Variants in EIF4A2 observed in about 807,000 individuals in gnomAD.
The protein encoded by EIF4A2 is eukaryotic translation initiation factor 4A2.
EIF4A2 carries 9 observed loss-of-function variants against 50.6 expected under a neutral mutation model. That is an observed-to-expected ratio of 0.18 (90% CI 0.11 to 0.31). EIF4A2 has a LOEUF of 0.31. EIF4A2 is among the 10% of genes least tolerant of loss of function. EIF4A2 has a pLI of 1.00. For missense variants in EIF4A2, 182 were observed against 501.8 expected, an observed-to-expected ratio of 0.36 and a Z score of 6.09; for synonymous variants, 215 against 164.4, an observed-to-expected ratio of 1.31 and a Z score of -2.35.
intron 10 of EIF4A2, chr3:186,788,592 AT>A: frequency 2.7e-6 from 1 of 376,178 alleles, no homozygotes; most frequent in Non-Finnish European, 4.3e-6. Flanking sequence ...GTTTAGAGTA[AT>A]TTGAGTTACA....
chr3:186,789,891 C>CTTTAAAGGT (rs1722015255), exon 11 of EIF4A2: 31 of 914,994 alleles, frequency 3.4e-5, no homozygotes, highest in East Asian at 8.0e-4. Flanking sequence ...TGTATATTCA[C>CTTTAAAGGT]TTTAAAGGTG....
chr3:186,787,943 G>A (rs1238093418), intron 10 of EIF4A2, 61 bp downstream of exon 10: 2 of 1,528,434 alleles, frequency 1.3e-6, no homozygotes, highest in Admixed American at 1.7e-5. Context: ...ACTGTGATTT[G>A]TATGAAAGGT....
rs368746725 is a variant in EIF4A2, at chr3:186,787,908, T to C, written c.1079+26T>C. On this transcript the variant is annotated intron_variant, in intron 10 of 10. Coordinates refer to ENST00000323963, the MANE Select transcript of EIF4A2 (RefSeq NM_001967.4). ...GTGAGAAGCCAGCATCTTGGCTGTA[T>C]TGAAAAAAATTCATACGTTTTTCTA... The C allele has an allele frequency of 1.2e-5, 19 of 1,609,318 alleles. No individual in the cohort carries two copies. The African/African-American group carries it at 1.9e-4, about 16-fold the overall frequency.
At chr3:186,785,702 A>C (rs1406963012) in intron 4 of EIF4A2, 181 bp from the exon 5 acceptor site, 1 of 678,050 alleles carries the variant, frequency 1.5e-6, no homozygotes, top group Admixed American at 3.1e-5. Context: ...GGCATAAGAA[A>C]GACATTAAGG....
At chr3:186,786,326 C>T in intron 6 of EIF4A2, 53 bp downstream of exon 6, 2 of 1,557,432 alleles carry the variant, frequency 1.3e-6, no homozygotes, top group Non-Finnish European at 8.8e-7. Flanking sequence ...TTATTTAATG[C>T]AGGTACTGTT....
intron 1 of EIF4A2, chr3:186,784,145 G>C (rs1428254271): frequency 1.9e-6 from 1 of 530,254 alleles, no homozygotes; most frequent in Non-Finnish European, 3.4e-6. Context: ...TCAATCACCC[G>C]GCTTGCGCAT....
chr3:186,785,860 A>G (rs1721675294), intron 4 of EIF4A2, 23 bp from the exon 5 acceptor site: 2 of 1,579,780 alleles, frequency 1.3e-6, no homozygotes, highest in South Asian at 2.2e-5. Flanking sequence ...TCTGCGGAAT[A>G]ATAATTAAGG....
rs1053129317 is a variant in EIF4A2 at position 186,789,755 on chromosome 3, T to G, written c.*486T>G. Reference sequence around the variant, plus strand: ...TATTGTATTTATTCAATAAAGTATTTAATTAGTGCTAAGTGTGAACTGGAC... The same window carrying G: ...TATTGTATTTATTCAATAAAGTATTGAATTAGTGCTAAGTGTGAACTGGAC... On this transcript the variant is annotated 3_prime_UTR_variant, in exon 11 of 11. Coordinates refer to ENST00000323963, the MANE Select transcript of EIF4A2 (RefSeq NM_001967.4). The G allele has an allele frequency of 6.2e-6, 3 of 487,528 alleles. No homozygotes were observed. Among genetic ancestry groups the G allele is most frequent in the Non-Finnish European group, 1.1e-5 (3 of 275,688 alleles). The allele number at this position is 487,528 out of a possible 1,614,324, so 30.2% of individuals were successfully genotyped here.
In EIF4A2 at chr3:186,789,101, GTTCTGA is replaced by G; in HGVS notation, c.1080-19_1080-14del. The G allele has an allele frequency of 6.2e-7, 1 of 1,609,854 alleles. No individual in the cohort carries two copies. Among genetic ancestry groups the G allele is most frequent in the Admixed American group, 1.7e-5 (1 of 59,342 alleles). On this transcript the variant is annotated intron_variant, in intron 10 of 10. Coordinates refer to ENST00000323963, the MANE Select transcript of EIF4A2 (RefSeq NM_001967.4). ...GTTTATACATTATGTGAGAAGTAACGTTCTGATTCTTTTTCTTACACAGAATTGGCA... is the reference window on the plus strand; with the variant it reads ...GTTTATACATTATGTGAGAAGTAACGTTCTTTTTCTTACACAGAATTGGCA...
intron 9 of EIF4A2, 41 bp from the exon 10 acceptor site, chr3:186,787,762 T>TCAA: frequency 6.2e-7 from 1 of 1,613,464 alleles, no homozygotes; most frequent in Non-Finnish European, 8.5e-7. Context: ...AGGTGTCAAG[T>TCAA]TTTTTTGAAT....
rs1209531788 is a variant in EIF4A2, at chr3:186,789,803, C to T, written c.*534C>T. 6 of 584,432 alleles carry T rather than the reference C, an allele frequency of 1.0e-5. No homozygotes were observed. The highest frequency in any genetic ancestry group is 1.8e-5 in the Non-Finnish European group (6 of 332,848). 36.2% of individuals were successfully genotyped at this position (584,432 alleles called of 1,614,324 possible). A position where few individuals can be genotyped will look rare whatever the true frequency, so the allele number is the denominator to read the frequency against. The stretch of plus-strand genomic sequence containing the variant: ...GACCCTGTTGCTAAGCCCCAGCAAG[C>T]AATCCTAGGTAGGGTTTAATCCCCA... On this transcript the variant is annotated 3_prime_UTR_variant, in exon 11 of 11. Coordinates refer to ENST00000323963, the MANE Select transcript of EIF4A2 (RefSeq NM_001967.4).
chr3:186,783,640 G>A lies in EIF4A2; in HGVS notation c.29+1G>A. 1.2e-6 allele frequency: 2 copies of A among 1,614,172 alleles called. No homozygotes were observed. Among genetic ancestry groups the A allele is most frequent in the Non-Finnish European group, 1.7e-6 (2 of 1,180,030 alleles). On this transcript the variant is annotated splice_donor_variant, in intron 1 of 10. Coordinates refer to ENST00000323963, the MANE Select transcript of EIF4A2 (RefSeq NM_001967.4). LOFTEE classifies it high-confidence loss of function. ...CTGGTGGCTCCGCGGATTATAACAG[G>A]TATGCAGTCTGTTGGCGGTCGCGGT...
At chr3:186,784,830 C>A (rs769198532) in intron 3 of EIF4A2, 132 bp from the exon 4 acceptor site, 1 of 1,598,076 alleles carries the variant, frequency 6.3e-7, no homozygotes, top group African/African-American at 1.3e-5. Flanking sequence ...TCGGGACTGA[C>A]CTGAAATGAA....
At chr3:186,784,250 C>CG (rs1721558163) in intron 1 of EIF4A2, 182 bp from the exon 2 acceptor site, 8 of 846,142 alleles carry the variant, frequency 9.5e-6, no homozygotes, top group Admixed American at 2.9e-5. Flanking sequence ...GCTGCCTTTC[C>CG]GGGCATCCGC....
At chr3:186,788,966 T>C in intron 10 of EIF4A2, 159 bp from the exon 11 acceptor site, 1 of 1,060,688 alleles carries the variant, frequency 9.4e-7, no homozygotes, top group Non-Finnish European at 1.3e-6. Flanking sequence ...AAGGAAGATT[T>C]TTTTCTCTAG....
At chr3:186,784,221 A>C in intron 1 of EIF4A2, 1 of 656,236 alleles carries the variant, frequency 1.5e-6, no homozygotes, top group Non-Finnish European at 2.5e-6. Context: ...CGGGATCGCC[A>C]TGCGCTCGGG....
Position 186,789,858 on chromosome 3 carries a change from T to G in EIF4A2, c.*589T>G, listed in dbSNP as rs993822824. The G allele has an allele frequency of 1.9e-5, 14 of 745,828 alleles. No homozygotes were observed. Among genetic ancestry groups the G allele is most frequent in the South Asian group, 7.2e-5 (4 of 55,562 alleles). The allele number at this position is 745,828 out of a possible 1,614,324, so 46.2% of individuals were successfully genotyped here. A position where few individuals can be genotyped will look rare whatever the true frequency, so the allele number is the denominator to read the frequency against. On this transcript the variant is annotated 3_prime_UTR_variant, in exon 11 of 11. Coordinates refer to ENST00000323963, the MANE Select transcript of EIF4A2 (RefSeq NM_001967.4). ...AATTGCCATATTGCACATGTCTTAA[T>G]GAAGTTTGAATGTTAAATAAATTGT... is the stretch of plus-strand genomic sequence containing the variant.
intron 10 of EIF4A2, chr3:186,788,222 C>G (rs1721879316): frequency 8.7e-7 from 1 of 1,143,460 alleles, no homozygotes; most frequent in African/African-American, 1.6e-5. Flanking sequence ...TTGAGTGAAC[C>G]CTGGTTTAGT....
Position 186,783,659 on chromosome 3 carries a change from T to C in EIF4A2, c.29+20T>C, listed in dbSNP as rs1282990537. On this transcript the variant is annotated intron_variant, in intron 1 of 10. Coordinates refer to ENST00000323963, the MANE Select transcript of EIF4A2 (RefSeq NM_001967.4). ...TAACAGGTATGCAGTCTGTTGGCGG[T>C]CGCGGTCTGTAGTGAAGGTCATAGG... 18 of 1,614,044 alleles carry C rather than the reference T, an allele frequency of 1.1e-5. No individual in the cohort carries two copies. Among genetic ancestry groups the C allele is most frequent in the African/African-American group, 5.3e-5 (4 of 74,996 alleles).
Sources: gnomAD v4.1 joint callset for allele counts on GRCh38, gnomAD v4.1.1 for gene constraint, MANE v1.5 for transcripts, NCBI Gene and HGNC (gene_info 2026-07-23, HGNC 2026-07-21) for gene names.